The following FIBCD1 variants were observed in gnomAD, a reference collection of about 807,000 sequenced individuals.
FIBCD1 encodes the protein fibrinogen C domain-containing protein 1.
A neutral mutation model predicts 45.1 loss-of-function variants in FIBCD1; 47 were observed. The ratio of observed to expected loss-of-function variants is 1.04; its 90% confidence interval spans 0.82 to 1.33. FIBCD1 has a LOEUF of 1.33. Ranked by LOEUF, FIBCD1 falls within the 40% of genes most tolerant of loss-of-function variation. FIBCD1 has a pLI of 0.00. For synonymous variants in FIBCD1, 313 were observed against 308.1 expected (o/e 1.02, Z -0.17); for missense variants, 653 against 682.2 (o/e 0.96, Z 0.48).
chr9:130,939,581 C>T (rs1057043718), upstream of FIBCD1, among the ~76,000 whole-genome samples: 1 of 152,006 alleles, frequency 6.6e-6, no homozygotes, highest in African/African-American at 2.4e-5. Flanking sequence ...GGCCCGTGGG[C>T]GAAATGGGGG....
chr9:130,905,764 G>A (rs1322903512), intron 5 of FIBCD1, among the ~76,000 whole-genome samples: 2 of 152,338 alleles, frequency 1.3e-5, no homozygotes. Flanking sequence ...GACAGGATCT[G>A]TGTTCGCATT....
At chr9:130,924,119 A>T in intron 3 of FIBCD1, 118 bp downstream of exon 3, 1 of 1,361,900 alleles carries the variant, frequency 7.3e-7, no homozygotes, top group Non-Finnish European at 9.8e-7. Context: ...AGCGCAGGCC[A>T]CATGGAAGTA....
At position 130,935,737 on chromosome 9, in the gene FIBCD1, T is replaced by C. The variant is rs147288125; in HGVS notation, c.72+2799A>G. On this transcript the variant is annotated intron_variant, in intron 1 of 6. Coordinates refer to ENST00000372338, the MANE Select transcript of FIBCD1 (RefSeq NM_032843.5). The stretch of plus-strand genomic sequence containing the variant: ...AGCCACCCCTTAGGCACTTGTCTGC[T>C]GTCCAAGAAGACCCAGGTTTGAGTC... Among the ~76,000 whole-genome samples, 1,355 of 152,350 alleles carry C rather than the reference T, an allele frequency of 8.9e-3. 10 individuals are homozygous for C. Among genetic ancestry groups the C allele is most frequent in the Admixed American group, 0.015 (234 of 15,306 alleles).
At chr9:130,925,858 T>C (rs953361493) in intron 2 of FIBCD1, among the ~76,000 whole-genome samples, 3 of 152,160 alleles carry the variant, frequency 2.0e-5, no homozygotes, top group Non-Finnish European at 2.9e-5. Context: ...TGCCAGATAA[T>C]AGCCCATTCG....
At chr9:130,937,057 G>A (rs1439235048) in intron 1 of FIBCD1, among the ~76,000 whole-genome samples, 4 of 152,136 alleles carry the variant, frequency 2.6e-5, no homozygotes, top group African/African-American at 2.4e-5. Context: ...GAGCGGCGTG[G>A]TGTGGGGCCC....
In FIBCD1 at chr9:130,903,777, C is replaced by CGGAG; in HGVS notation, c.*283_*286dup. The CGGAG allele has an allele frequency of 1.9e-6, 1 of 535,422 alleles. No individual in the cohort carries two copies. Among genetic ancestry groups the CGGAG allele is most frequent in the Non-Finnish European group, 3.4e-6 (1 of 290,760 alleles). The allele number at this position is 535,422 out of a possible 1,614,324, so 33.2% of individuals were successfully genotyped here. ...CTGGCCAGGGGACGGCAAACAGCAC[C>CGGAG]GGAGTCACAGTGGGGGCAGGCAGGA... On this transcript the variant is annotated 3_prime_UTR_variant, in exon 7 of 7. Transcript: ENST00000372338.
At chr9:130,915,056 C>T (rs1021476639) in intron 4 of FIBCD1, among the ~76,000 whole-genome samples, 6 of 152,234 alleles carry the variant, frequency 3.9e-5, no homozygotes, top group African/African-American at 1.2e-4. Flanking sequence ...CTGGACCTAC[C>T]CTTGCCACCA....
intron 6 of FIBCD1, 135 bp from the exon 7 acceptor site, chr9:130,904,458 C>T (rs1415643209): frequency 3.0e-6 from 4 of 1,312,428 alleles, no homozygotes; most frequent in Non-Finnish European, 2.1e-6. Flanking sequence ...TGCTCTCACA[C>T]ATACTGCTGT....
chr9:130,904,166 G>A lies in FIBCD1; in HGVS notation c.1284C>T (p.His428=), dbSNP rs757657652. 3.6e-5 allele frequency: 58 copies of A among 1,613,562 alleles called. No homozygotes were observed. The highest frequency in any genetic ancestry group is 8.9e-5 in the East Asian group (4 of 44,876). The change falls in exon 7 of 7, where the codon CAC becomes CAT. Residue 428 remains histidine (H), a synonymous_variant. Transcript: ENST00000372338. ...NLNGQYLRGA[H]ASYADGVEWS... is the part of the protein sequence containing the mutation. Reference sequence around the variant, plus strand: ...ACTCCACGCCGTCGGCATAGGAGGCGTGCGCACCGCGCAGGTACTGCCCAT... The same window carrying A: ...ACTCCACGCCGTCGGCATAGGAGGCATGCGCACCGCGCAGGTACTGCCCAT...
In FIBCD1 at chr9:130,926,182, C is replaced by G. The variant is rs1832356338; in HGVS notation, c.553-1786G>C. Among the ~76,000 whole-genome samples, 1 of 152,218 alleles carries G rather than the reference C, an allele frequency of 6.6e-6. No homozygotes were observed. Among genetic ancestry groups the G allele is most frequent in the South Asian group, 2.1e-4 (1 of 4,832 alleles). ...CGCCGTGCGATGTGTGTGCGGCAAA[C>G]ATCACTTGGTTAAGTCACACTGGTA... On this transcript the variant is annotated intron_variant, in intron 2 of 6. Coordinates refer to ENST00000372338, the MANE Select transcript of FIBCD1 (RefSeq NM_032843.5). This position sits in a 1 kb window ranked among gnomAD's most constrained non-coding sequence, Gnocchi z 4.1.
chr9:130,932,412 G>A (rs554004221), intron 1 of FIBCD1, among the ~76,000 whole-genome samples: 9 of 152,210 alleles, frequency 5.9e-5, no homozygotes, highest in Non-Finnish European at 1.0e-4. Context: ...AGTGCTCCAC[G>A]CCTGCCCAGT....
chr9:130,926,753 C>T lies in FIBCD1; in HGVS notation c.553-2357G>A, dbSNP rs1486403432. On this transcript the variant is annotated intron_variant, in intron 2 of 6. Transcript: ENST00000372338. The surrounding 1 kb of genome is among the most constrained non-coding windows in gnomAD (Gnocchi z 4.1). ...AGGAGAATCGCTTGAACCTGGGAGGCGGAGGTTGCAGTGAGCCGAGATTGA... is the reference window on the plus strand; with the variant it reads ...AGGAGAATCGCTTGAACCTGGGAGGTGGAGGTTGCAGTGAGCCGAGATTGA... Among the ~76,000 whole-genome samples the T allele has an allele frequency of 2.6e-5, 4 of 151,938 alleles. No homozygotes were observed. The highest frequency in any genetic ancestry group is 5.9e-5 in the Non-Finnish European group (4 of 67,974).
In FIBCD1 at chr9:130,929,905, C is replaced by A; in HGVS notation, c.214G>T (p.Ala72Ser). Residue 72 changes from alanine (A) to serine (S), a missense_variant, in exon 2 of 7, where the codon GCT becomes TCT. By Grantham distance (99) the Ala-to-Ser change is moderately conservative. Coordinates refer to ENST00000372338, the MANE Select transcript of FIBCD1 (RefSeq NM_032843.5). The part of the protein sequence containing the change: ...TAPPPVVSTG[A>S]ASANSALVTV... ...ACCAGGGCGCTGTTGGCGCTGGCAG[C>A]CCCAGTGCTGACGACAGGTGGGGGC... 1.3e-6 allele frequency: 2 copies of A among 1,549,428 alleles called. No individual in the cohort carries two copies. Among genetic ancestry groups the A allele is most frequent in the Non-Finnish European group, 1.7e-6 (2 of 1,146,534 alleles).
chr9:130,912,387 T>G (rs1475193950), intron 4 of FIBCD1, among the ~76,000 whole-genome samples: 9 of 95,942 alleles, frequency 9.4e-5, no homozygotes, highest in Admixed American at 1.3e-4. Context: ...GCCTGGGCTC[T>G]CTCTCAAAAA....
chr9:130,924,517 A>G, intron 2 of FIBCD1, 121 bp from the exon 3 acceptor site: 1 of 969,810 alleles, frequency 1.0e-6, no homozygotes. Flanking sequence ...TTCTGGCTCA[A>G]GGCCCCGCCC....
At chr9:130,907,996 G>A (rs1473990404) in intron 5 of FIBCD1, among the ~76,000 whole-genome samples, 1 of 149,984 alleles carries the variant, frequency 6.7e-6, no homozygotes, top group Non-Finnish European at 1.5e-5. Flanking sequence ...AGGAAAGCAG[G>A]GGCTAAAACC....
Position 130,923,849 on chromosome 9 carries a change from G to A in FIBCD1, c.744C>T (p.Leu248=), listed in dbSNP as rs1464354410. The A allele has an allele frequency of 6.2e-7, 1 of 1,612,818 alleles. No individual in the cohort carries two copies. Among genetic ancestry groups the A allele is most frequent in the Non-Finnish European group, 8.5e-7 (1 of 1,179,956 alleles). The change falls in exon 4 of 7, where the codon CTC becomes CTT. Residue 248 remains leucine, a synonymous_variant. Coordinates refer to ENST00000372338, the MANE Select transcript of FIBCD1 (RefSeq NM_032843.5). Reference sequence around the variant, plus strand: ...CGCCATCGTCCTGCTGTCCGCTTAGGAGGACGTCCAGACAGTCTCGGGGCC... The same window carrying A: ...CGCCATCGTCCTGCTGTCCGCTTAGAAGGACGTCCAGACAGTCTCGGGGCC... ...GSRPRDCLDV[L]LSGQQDDGVY... is the part of the protein sequence containing the mutation.
intron 1 of FIBCD1, among the ~76,000 whole-genome samples, chr9:130,932,694 T>A (rs898239369): frequency 3.9e-5 from 6 of 152,176 alleles, no homozygotes; most frequent in African/African-American, 9.7e-5. Flanking sequence ...GCTCCCCCCG[T>A]TAGGGTGCTT....
chr9:130,936,799 T>C (rs1564342580), intron 1 of FIBCD1, among the ~76,000 whole-genome samples: 1 of 151,990 alleles, frequency 6.6e-6, no homozygotes, highest in Non-Finnish European at 1.5e-5. Context: ...GGAGGGTGTG[T>C]CCAAAGGGAT....
Sources: allele counts gnomAD v4.1 joint callset (sites outside exome capture counted in the v4.1 genomes callset), GRCh38; gene constraint gnomAD v4.1.1; non-coding constraint Gnocchi (gnomAD v3.1); transcripts MANE v1.5; gene names NCBI Gene and HGNC (gene_info 2026-07-23, HGNC 2026-07-21).